The following ORC4 variants were observed in gnomAD, a reference collection of about 807,000 sequenced individuals.
ORC4 encodes the protein origin recognition complex subunit 4, also known as origin recognition complex, subunit 4 homolog.
A neutral mutation model predicts 63.9 loss-of-function variants in ORC4; 55 were observed. The observed-to-expected ratio is 0.86, with a 90% CI of 0.69 to 1.08. The LOEUF (loss-of-function observed/expected upper bound fraction) is 1.08, where lower values mean the gene tolerates loss of function less well. ORC4 is among the 50% of genes least tolerant of loss of function. The probability of loss-of-function intolerance (pLI) is 0.00; values close to 1 mark genes in which losing one functional copy is unlikely to be tolerated. For missense variants in ORC4, 511 were observed against 504.4 expected, an observed-to-expected ratio of 1.01 and a Z score of -0.13; for synonymous variants, 150 against 168.5, an observed-to-expected ratio of 0.89 and a Z score of 0.85.
At chr2:147,992,831 C>T (rs1691703389) in intron 1 of ORC4, among the ~76,000 whole-genome samples, 1 of 152,136 alleles carries the variant, frequency 6.6e-6, no homozygotes, top group Admixed American at 6.5e-5. Context: ...ATCCCTCGTC[C>T]CCAAGGTAGT....
At chr2:147,962,004 T>C (rs1368325750) in intron 4 of ORC4, among the ~76,000 whole-genome samples, 1 of 152,126 alleles carries the variant, frequency 6.6e-6, no homozygotes, top group East Asian at 1.9e-4. Context: ...CAGCAATGAA[T>C]GAACAGCTAA....
At chr2:147,986,859 A>C (rs1187246552) in intron 1 of ORC4, among the ~76,000 whole-genome samples, 8 of 152,034 alleles carry the variant, frequency 5.3e-5, no homozygotes, top group Admixed American at 2.6e-4. Flanking sequence ...AAACCAAAAA[A>C]AGGTAAATAA....
At chr2:148,001,539 C>G (rs1692308853) in intron 1 of ORC4, among the ~76,000 whole-genome samples, 1 of 152,090 alleles carries the variant, frequency 6.6e-6, no homozygotes, top group Non-Finnish European at 1.5e-5. Flanking sequence ...AAATAAAATC[C>G]TTTATAGACA....
At position 147,955,423 on chromosome 2, in the gene ORC4, TAA is replaced by T. The variant is rs752787627; in HGVS notation, c.388-30_388-29del. ...GAACAACAAAATGAGATAAAATGAT[TAA>T]AAGTTTAGTGAAATAAAGAACAAAA... On this transcript the variant is annotated intron_variant, in intron 6 of 13. Transcript: ENST00000392857. 4 of 1,544,802 alleles carry T rather than the reference TAA, an allele frequency of 2.6e-6. No homozygotes were observed. The South Asian group carries it at 4.5e-5, about 17-fold the overall frequency.
At chr2:147,981,883 C>T (rs926921341) in intron 1 of ORC4, 1 of 152,176 alleles carries the variant, frequency 6.6e-6, no homozygotes, top group Non-Finnish European at 1.5e-5. Flanking sequence ...ATATATTTTA[C>T]ATTCACATTT....
chr2:148,009,797 G>A (rs1010226358), intron 1 of ORC4, among the ~76,000 whole-genome samples: 1 of 152,146 alleles, frequency 6.6e-6, no homozygotes, highest in Non-Finnish European at 1.5e-5. Context: ...ATTTCTCAAG[G>A]ATGGATCCTA....
chr2:147,973,823 C>T (rs571824293), intron 2 of ORC4, among the ~76,000 whole-genome samples: 254 of 152,194 alleles, frequency 1.7e-3, no homozygotes, highest in African/African-American at 8.7e-4. Flanking sequence ...TGCATGTGAA[C>T]GAGTTAAGAA....
At chr2:147,961,471 T>G (rs1689587613) in intron 4 of ORC4, among the ~76,000 whole-genome samples, 1 of 150,714 alleles carries the variant, frequency 6.6e-6, no homozygotes. Flanking sequence ...AAGAAAAAAA[T>G]TATACTATCG....
intron 4 of ORC4, among the ~76,000 whole-genome samples, chr2:147,969,859 C>T (rs999379988): frequency 6.6e-6 from 1 of 151,642 alleles, no homozygotes; most frequent in African/African-American, 2.4e-5. Flanking sequence ...CTATGAATAA[C>T]TAATGCAATA....
chr2:147,944,397 G>A (rs773135790), intron 9 of ORC4, among the ~76,000 whole-genome samples: 46 of 151,946 alleles, frequency 3.0e-4, no homozygotes, highest in Non-Finnish European at 5.0e-4. Context: ...TAGAAAACAA[G>A]GGAACAAAGT....
At chr2:147,996,651 G>T (rs1691994899) in intron 1 of ORC4, among the ~76,000 whole-genome samples, 1 of 152,152 alleles carries the variant, frequency 6.6e-6, no homozygotes, top group African/African-American at 2.4e-5. Flanking sequence ...ATAAGCATAT[G>T]AAAAGATGCT....
At chr2:148,001,313 T>C (rs1692288281) in intron 1 of ORC4, among the ~76,000 whole-genome samples, 2 of 152,150 alleles carry the variant, frequency 1.3e-5, no homozygotes, top group African/African-American at 4.8e-5. Flanking sequence ...AACAGGCTGC[T>C]TAAATATATT....
chr2:147,975,846 C>A, intron 2 of ORC4, 56 bp downstream of exon 2: 1 of 1,011,124 alleles, frequency 9.9e-7, no homozygotes, highest in South Asian at 1.3e-5. Context: ...ATAACTATTT[C>A]TCTGAACAGC....
At chr2:147,960,848 C>T (rs910751277) in intron 4 of ORC4, among the ~76,000 whole-genome samples, 7 of 152,184 alleles carry the variant, frequency 4.6e-5, no homozygotes, top group East Asian at 1.9e-4. Context: ...ATGATTGAGC[C>T]GCTGGGCGCC....
intron 6 of ORC4, among the ~76,000 whole-genome samples, chr2:147,956,267 A>AT: frequency 6.6e-6 from 1 of 152,206 alleles, no homozygotes; most frequent in Non-Finnish European, 1.5e-5. Context: ...TGATGTTGTT[A>AT]TGCTATTTCC....
chr2:147,937,326 A>AT (rs903443304), intron 13 of ORC4, among the ~76,000 whole-genome samples: 7 of 151,802 alleles, frequency 4.6e-5, no homozygotes, highest in Admixed American at 6.6e-5. Flanking sequence ...GTGTGACTCA[A>AT]TTTTTTTTTA....
At chr2:148,010,536 A>G (rs1478324792) in intron 1 of ORC4, among the ~76,000 whole-genome samples, 1 of 152,098 alleles carries the variant, frequency 6.6e-6, no homozygotes, top group Non-Finnish European at 1.5e-5. Context: ...ACAAAAATTC[A>G]AAGGATCATT....
At chr2:148,014,452 T>G (rs1693144768) in intron 1 of ORC4, among the ~76,000 whole-genome samples, 1 of 152,188 alleles carries the variant, frequency 6.6e-6, no homozygotes, top group South Asian at 2.1e-4. Flanking sequence ...ATGTACCTTC[T>G]TAAAAAAGAT....
intron 4 of ORC4, among the ~76,000 whole-genome samples, chr2:147,963,275 C>T (rs1248066378): frequency 6.6e-6 from 1 of 152,176 alleles, no homozygotes; most frequent in Non-Finnish European, 1.5e-5. Context: ...CTGGCAGACA[C>T]TCTTTTGGGC....
Sources: allele counts gnomAD v4.1 joint callset (sites outside exome capture counted in the v4.1 genomes callset), GRCh38; gene constraint gnomAD v4.1.1; transcripts MANE v1.5; gene names NCBI Gene and HGNC (gene_info 2026-07-23, HGNC 2026-07-21).